KIAA1614: variants seen among roughly 807,000 people sequenced by gnomAD.
KIAA1614 encodes KIAA1614, also known as uncharacterized protein KIAA1614.
Under a neutral mutation model 88.7 loss-of-function variants are expected in KIAA1614, and 76 were observed. That is an observed-to-expected ratio of 0.86 (90% CI 0.71 to 1.04). The LOEUF (loss-of-function observed/expected upper bound fraction) is 1.04. Ranked by LOEUF, KIAA1614 falls within the 50% of genes least tolerant of loss-of-function variation. KIAA1614 has a pLI of 0.00. For missense variants in KIAA1614, 1,553 were observed against 1,582.5 expected (o/e 0.98, Z 0.32); for synonymous variants, 714 against 675.5 (o/e 1.06, Z -0.88).
rs1231566699 is a variant in KIAA1614, at chr1:180,950,638, A to T, written c.*5050A>T. 1.8e-6 allele frequency: 1 copy of T among 552,810 alleles called. No homozygotes were observed. Among genetic ancestry groups the T allele is most frequent in the Non-Finnish European group, 2.3e-6 (1 of 431,494 alleles). 34.2% of individuals were successfully genotyped at this position (552,810 alleles called of 1,614,324 possible). On this transcript the variant is annotated 3_prime_UTR_variant, in exon 9 of 9. Coordinates refer to ENST00000367588, the MANE Select transcript of KIAA1614 (RefSeq NM_020950.2). Reference sequence around the variant, plus strand: ...CAGAGCTGCTCTGTGGCGGAAACAGATCCTGGCAGCATCTAACCCCTTGGG... The same window carrying T: ...CAGAGCTGCTCTGTGGCGGAAACAGTTCCTGGCAGCATCTAACCCCTTGGG...
intron 3 of KIAA1614, among the ~76,000 whole-genome samples, chr1:180,921,454 G>T (rs1653950619): frequency 6.6e-6 from 1 of 152,192 alleles, no homozygotes; most frequent in African/African-American, 2.4e-5. Context: ...GACCTCTGTG[G>T]CGGGGGGAGT....
intron 6 of KIAA1614, 39 bp from the exon 7 acceptor site, chr1:180,941,006 G>GGGCCCC: frequency 1.8e-5 from 16 of 908,440 alleles, no homozygotes; most frequent in East Asian, 6.5e-5. Context: ...CACCCTCCCG[G>GGGCCCC]CCCTCCCCCG....
intron 3 of KIAA1614, among the ~76,000 whole-genome samples, chr1:180,926,799 G>A (rs920499680): frequency 1.3e-5 from 2 of 152,266 alleles, no homozygotes; most frequent in African/African-American, 2.4e-5. Flanking sequence ...GCTCTCAGCC[G>A]CCTTGGAGGA....
chr1:180,935,645 C>T lies in KIAA1614; in HGVS notation c.1736C>T (p.Pro579Leu), dbSNP rs866910589. The T allele has an allele frequency of 2.5e-6, 4 of 1,612,162 alleles. No homozygotes were observed. The highest frequency in any genetic ancestry group is 3.3e-4 in the Middle Eastern group (2 of 6,044). Residue 579 changes from proline to leucine, a missense_variant, in exon 5 of 9, where the codon CCA becomes CTA. By Grantham distance (98) the Pro-to-Leu change is moderately conservative (BLOSUM62 -3). Coordinates refer to ENST00000367588, the MANE Select transcript of KIAA1614 (RefSeq NM_020950.2). This position sits in a 1 kb window ranked among gnomAD's most constrained non-coding sequence, Gnocchi z 6.1. Reference protein sequence around the residue: ...MERVLGGLSSPLRLLPAEPRL... With the variant: ...MERVLGGLSSLLRLLPAEPRL... ...AGGGTGCTGGGTGGCCTGAGCTCCC[C>T]ACTCCGGCTCCTTCCTGCAGAGCCC...
chr1:180,921,219 G>T (rs1653946985), intron 3 of KIAA1614, among the ~76,000 whole-genome samples: 1 of 16,096 alleles, frequency 6.2e-5, no homozygotes, highest in Admixed American at 6.2e-4. Context: ...GGGCAGGGGC[G>T]GGGGGTCACA....
rs1393687313 is a variant in KIAA1614, at chr1:180,916,797, C to A, written c.694C>A (p.His232Asn). 6.2e-7 allele frequency: 1 copy of A among 1,614,122 alleles called. No homozygotes were observed. Among genetic ancestry groups the A allele is most frequent in the Non-Finnish European group, 8.5e-7 (1 of 1,180,052 alleles). ...GGPGHCNKII[H>N]IPSPRTGRSY... ...TCCTGGTCATTGTAACAAAATCATC[C>A]ACATTCCCAGCCCAAGGACAGGAAG... The change falls in exon 2 of 9, where the codon CAC becomes AAC. Residue 232 changes from histidine to asparagine, a missense_variant. Transcript: ENST00000367588.
intron 7 of KIAA1614, among the ~76,000 whole-genome samples, chr1:180,943,087 C>T (rs1236993230): frequency 3.4e-5 from 5 of 148,184 alleles, no homozygotes; most frequent in African/African-American, 7.5e-5. Flanking sequence ...AGTGCAGTGG[C>T]GCAATGTCTG....
intron 3 of KIAA1614, among the ~76,000 whole-genome samples, chr1:180,918,341 C>T (rs375395556): frequency 7.2e-5 from 11 of 152,316 alleles, no homozygotes; most frequent in African/African-American, 2.6e-4. Context: ...CGTTCCCAGT[C>T]AAGAGGTTGT....
intron 4 of KIAA1614, among the ~76,000 whole-genome samples, chr1:180,933,018 G>A (rs529252857): frequency 6.6e-6 from 1 of 152,202 alleles, no homozygotes; most frequent in East Asian, 1.9e-4. Context: ...AGGATCACAG[G>A]CGTGAGCCAC....
intron 3 of KIAA1614, among the ~76,000 whole-genome samples, chr1:180,925,217 C>T (rs1185666087): frequency 6.6e-6 from 1 of 152,190 alleles, no homozygotes; most frequent in African/African-American, 2.4e-5. Flanking sequence ...AGGTCCCTGC[C>T]CTCATGGAGC....
chr1:180,943,813 G>C (rs1339110419), intron 7 of KIAA1614, among the ~76,000 whole-genome samples: 1 of 151,994 alleles, frequency 6.6e-6, no homozygotes, highest in Non-Finnish European at 1.5e-5. Context: ...CTCCTAAAGT[G>C]CTGGGATTAC....
At chr1:180,929,079 G>A (rs1013340790) in intron 4 of KIAA1614, among the ~76,000 whole-genome samples, 13 of 152,248 alleles carry the variant, frequency 8.5e-5, no homozygotes, top group African/African-American at 3.1e-4. Flanking sequence ...AGACCATGCG[G>A]GCTTGACTTC....
chr1:180,920,006 G>A (rs556219276), intron 3 of KIAA1614, among the ~76,000 whole-genome samples: 49 of 152,306 alleles, frequency 3.2e-4, no homozygotes, highest in Admixed American at 5.2e-4. Flanking sequence ...AGTGCCTGGC[G>A]ATCAGGGCAA....
chr1:180,917,962 T>G, intron 3 of KIAA1614, 48 bp downstream of exon 3: 3 of 1,488,336 alleles, frequency 2.0e-6, no homozygotes, highest in Non-Finnish European at 1.9e-6. Context: ...CTCACCATGG[T>G]CCCTCTATTT....
chr1:180,932,091 G>C (rs910773558), intron 4 of KIAA1614, among the ~76,000 whole-genome samples: 1 of 152,122 alleles, frequency 6.6e-6, no homozygotes, highest in Non-Finnish European at 1.5e-5. Context: ...CTAGATACAA[G>C]TACAGGTAGG....
chr1:180,919,420 G>A (rs4412552), intron 3 of KIAA1614, among the ~76,000 whole-genome samples: 39,713 of 152,142 alleles, frequency 0.26, 5,887 homozygotes, highest in Middle Eastern at 0.35. Flanking sequence ...CTACAGAAAG[G>A]CCTGTGGGCC....
In KIAA1614 at chr1:180,943,030, T is replaced by TGTTTG. The variant is rs759662350; in HGVS notation, c.3160-1359_3160-1358insGTTTG. On this transcript the variant is annotated intron_variant, in intron 7 of 8. Transcript: ENST00000367588. ...TGCTGGGAGGCTTAGTTTTTTGGGT[T>TGTTTG]TTTTTTTTTTTTTTAAGATGGAGTC... Among the ~76,000 whole-genome samples the TGTTTG allele has an allele frequency of 1.0e-3, 6 of 5,888 alleles. No homozygotes were observed. In the Admixed American group the frequency reaches 0.011, roughly 11 times the overall value. The allele number at this position is 5,888 out of a possible 152,430, so 3.9% of individuals were successfully genotyped here. A position where few individuals can be genotyped will look rare whatever the true frequency, so the allele number is the denominator to read the frequency against.
In KIAA1614 at chr1:180,941,168, C is replaced by A; in HGVS notation, c.3042C>A (p.Gly1014=). 1 of 1,613,796 alleles carries A rather than the reference C, an allele frequency of 6.2e-7. No individual in the cohort carries two copies. Among genetic ancestry groups the A allele is most frequent in the Non-Finnish European group, 8.5e-7 (1 of 1,179,942 alleles). ...TGAAAAAGCTCTTCTCAGCCCTGGG[C>A]CAGAGTTCCCGGCCCAAGCTGGGCA... The part of the protein sequence containing the change: ...LGLKKLFSAL[G]QSSRPKLGKS... Residue 1014 remains glycine (G), a synonymous_variant, in exon 7 of 9, where the codon GGC becomes GGA. Coordinates refer to ENST00000367588, the MANE Select transcript of KIAA1614 (RefSeq NM_020950.2).
At chr1:180,942,311 C>G (rs1035891122) in intron 7 of KIAA1614, among the ~76,000 whole-genome samples, 2 of 152,206 alleles carry the variant, frequency 1.3e-5, no homozygotes, top group African/African-American at 4.8e-5. Context: ...CACGAAGCGC[C>G]CCACGCTCTG....
Sources: allele counts gnomAD v4.1 joint callset (sites outside exome capture counted in the v4.1 genomes callset), GRCh38; gene constraint gnomAD v4.1.1; non-coding constraint Gnocchi (gnomAD v3.1); transcripts MANE v1.5; gene names NCBI Gene and HGNC (gene_info 2026-07-23, HGNC 2026-07-21).